The following TSGA13 variants were observed in gnomAD, a reference collection of about 807,000 sequenced individuals.
TSGA13 encodes the protein testis-specific gene 13 protein.
A neutral mutation model predicts 35.1 loss-of-function variants in TSGA13; 37 were observed. That is an observed-to-expected ratio of 1.05 (90% CI 0.81 to 1.39). The LOEUF (loss-of-function observed/expected upper bound fraction) is 1.39, where lower values mean the gene tolerates loss of function less well. TSGA13 is among the 40% of genes most tolerant of loss of function. The pLI, the probability that TSGA13 is intolerant of heterozygous loss-of-function variation, is 0.00. For missense variants in TSGA13, 338 were observed against 328.5 expected (o/e 1.03, Z -0.22); for synonymous variants, 124 against 121.2 (o/e 1.02, Z -0.15).
In TSGA13 at chr7:130,669,007, T is replaced by A; in HGVS notation, c.*7A>T. 6.2e-7 allele frequency: 1 copy of A among 1,612,090 alleles called. No homozygotes were observed. Among genetic ancestry groups the A allele is most frequent in the Non-Finnish European group, 8.5e-7 (1 of 1,178,982 alleles). On this transcript the variant is annotated 3_prime_UTR_variant, in exon 8 of 8. Transcript: ENST00000356588. The stretch of plus-strand genomic sequence containing the variant: ...AGAGCGAGGCGGGAGGACTGAGGGG[T>A]CTGTGTTCACCCGATGACCGTGGCC...
At chr7:130,683,783 AT>A in intron 2 of TSGA13, 111 bp from the exon 3 acceptor site, 2 of 860,802 alleles carry the variant, frequency 2.3e-6, no homozygotes, top group Non-Finnish European at 3.7e-6. Context: ...GACAAGTCCA[AT>A]TTAGGTGATC....
intron 3 of TSGA13, among the ~76,000 whole-genome samples, chr7:130,683,347 C>T (rs1563081685): frequency 6.6e-6 from 1 of 152,356 alleles, no homozygotes; most frequent in Non-Finnish European, 1.5e-5. Context: ...TTGACACGCT[C>T]TTACTCCCTA....
chr7:130,670,612 C>A (rs188958710), intron 7 of TSGA13, among the ~76,000 whole-genome samples: 28 of 152,148 alleles, frequency 1.8e-4, no homozygotes, highest in Admixed American at 1.8e-3. Context: ...TTTTCGATTT[C>A]TTGTTATTGT....
At chr7:130,672,340 T>C (rs1796291981) in intron 6 of TSGA13, among the ~76,000 whole-genome samples, 2 of 152,210 alleles carry the variant, frequency 1.3e-5, no homozygotes, top group African/African-American at 4.8e-5. Flanking sequence ...CCAGAATCTC[T>C]TCTGTCCTCT....
At chr7:130,679,040 A>C (rs1554464539) in intron 5 of TSGA13, 115 bp downstream of exon 5, 1 of 910,302 alleles carries the variant, frequency 1.1e-6, no homozygotes, top group East Asian at 2.4e-5. Flanking sequence ...CAAACAAACA[A>C]AAAAATTAAG....
In TSGA13 at chr7:130,672,672, C is replaced by A. The variant is rs1007505377; in HGVS notation, c.530+62G>T. The A allele has an allele frequency of 1.4e-5, 22 of 1,575,096 alleles. No individual in the cohort carries two copies. In the African/African-American group the frequency reaches 2.9e-4, roughly 20 times the overall value. On this transcript the variant is annotated intron_variant, in intron 6 of 7. Coordinates refer to ENST00000356588, the MANE Select transcript of TSGA13 (RefSeq NM_052933.4). ...GTCATTAAATTGTATGGCAAAGAAC[C>A]AGAAACGTGAATAGGGAAAAGATAG...
rs1162370815 is a variant in TSGA13 at position 130,674,169 on chromosome 7, C to CTTTTTTTTTTTTTTTT, written c.388-1309_388-1294dup. On this transcript the variant is annotated intron_variant, in intron 5 of 7. Transcript: ENST00000356588. The stretch of plus-strand genomic sequence containing the variant: ...CTTTTCTTCTTTTTTTTCTTTTTTT[C>CTTTTTTTTTTTTTTTT]TTTTTTTTTTTTTTTTTTTTGAGAT... 1.6e-4 allele frequency among the ~76,000 whole-genome samples: 16 copies of CTTTTTTTTTTTTTTTT among 98,444 alleles called. 1 individual carries two copies. The highest frequency in any genetic ancestry group is 2.1e-4 in the African/African-American group (6 of 28,330). 64.6% of individuals were successfully genotyped at this position (98,444 alleles called of 152,430 possible). A position where few individuals can be genotyped will look rare whatever the true frequency, so the allele number is the denominator to read the frequency against.
At chr7:130,670,737 A>C (rs141424574) in intron 7 of TSGA13, among the ~76,000 whole-genome samples, 1 of 152,144 alleles carries the variant, frequency 6.6e-6, no homozygotes, top group African/African-American at 2.4e-5. Flanking sequence ...CTCCTTCCTC[A>C]AGCCCCCCAA....
At chr7:130,686,635 T>C (rs2116337551), upstream of TSGA13, 1 of 149,512 alleles carries the variant, frequency 6.7e-6, no homozygotes, top group Non-Finnish European at 1.5e-5. Flanking sequence ...GGCCAAAACT[T>C]AAAGGCATAT....
At chr7:130,679,114 G>T (rs375664240) in intron 5 of TSGA13, 41 bp downstream of exon 5, 1 of 1,490,356 alleles carries the variant, frequency 6.7e-7, no homozygotes, top group South Asian at 1.1e-5. Flanking sequence ...CTCCTAATTC[G>T]TCAGGGTTCA....
intron 5 of TSGA13, 57 bp from the exon 6 acceptor site, chr7:130,672,933 A>G (rs1457265383): frequency 9.9e-6 from 15 of 1,522,060 alleles, no homozygotes; most frequent in Non-Finnish European, 1.3e-5. Context: ...TTGGGATTTT[A>G]AGTTTGGACC....
intron 7 of TSGA13, 78 bp from the exon 8 acceptor site, chr7:130,669,261 G>C (rs1554462476): frequency 2.5e-6 from 4 of 1,586,834 alleles, no homozygotes; most frequent in Non-Finnish European, 2.6e-6. Flanking sequence ...AGATGTAAAG[G>C]AGACGCACTT....
intron 4 of TSGA13, among the ~76,000 whole-genome samples, chr7:130,679,654 C>T (rs908193633): frequency 1.3e-5 from 2 of 152,094 alleles, no homozygotes; most frequent in Non-Finnish European, 2.9e-5. Flanking sequence ...GGATTACAGG[C>T]ACATGCCACC....
intron 5 of TSGA13, among the ~76,000 whole-genome samples, chr7:130,676,174 A>G (rs1796407234): frequency 6.6e-6 from 1 of 152,234 alleles, no homozygotes; most frequent in Non-Finnish European, 1.5e-5. Context: ...CTAGGTTTAC[A>G]AAAGATTATC....
In TSGA13 at chr7:130,668,968, C is replaced by G; in HGVS notation, c.*46G>C. Reference sequence around the variant, plus strand: ...TATTTGGGTGGCGACTTCTGCGGACCCCTCAGTCTCAAGAGAGCGAGGCGG... The same window carrying G: ...TATTTGGGTGGCGACTTCTGCGGACGCCTCAGTCTCAAGAGAGCGAGGCGG... On this transcript the variant is annotated 3_prime_UTR_variant, in exon 8 of 8. Coordinates refer to ENST00000356588, the MANE Select transcript of TSGA13 (RefSeq NM_052933.4). 1 of 1,585,836 alleles carries G rather than the reference C, an allele frequency of 6.3e-7. No homozygotes were observed. Among genetic ancestry groups the G allele is most frequent in the Non-Finnish European group, 8.6e-7 (1 of 1,165,884 alleles).
At position 130,668,994 on chromosome 7, in the gene TSGA13, G is replaced by A. The variant is rs1554462368; in HGVS notation, c.*20C>T. The A allele has an allele frequency of 1.2e-6, 2 of 1,611,422 alleles. No individual in the cohort carries two copies. Among genetic ancestry groups the A allele is most frequent in the Admixed American group, 1.7e-5 (1 of 59,790 alleles). ...CCTCAGTCTCAAGAGAGCGAGGCGG[G>A]AGGACTGAGGGGTCTGTGTTCACCC... is the stretch of plus-strand genomic sequence containing the variant. On this transcript the variant is annotated 3_prime_UTR_variant, in exon 8 of 8. Coordinates refer to ENST00000356588, the MANE Select transcript of TSGA13 (RefSeq NM_052933.4).
intron 3 of TSGA13, among the ~76,000 whole-genome samples, chr7:130,682,998 T>C (rs1189178387): frequency 6.6e-6 from 1 of 152,234 alleles, no homozygotes; most frequent in African/African-American, 2.4e-5. Flanking sequence ...AGGAAAAACT[T>C]ATTTGGGAGA....
intron 5 of TSGA13, 117 bp from the exon 6 acceptor site, chr7:130,672,993 G>T (rs1796317460): frequency 8.5e-7 from 1 of 1,183,282 alleles, no homozygotes; most frequent in African/African-American, 1.6e-5. Context: ...AACAAAACCT[G>T]TCAGAGGGGG....
chr7:130,671,885 A>G lies in TSGA13; in HGVS notation c.531-97T>C, dbSNP rs956193570. The G allele has an allele frequency of 1.1e-4, 90 of 833,454 alleles. No homozygotes were observed. The African/African-American group carries it at 1.6e-3, about 14-fold the overall frequency. The allele number at this position is 833,454 out of a possible 1,614,324, so 51.6% of individuals were successfully genotyped here. On this transcript the variant is annotated intron_variant, in intron 6 of 7. Coordinates refer to ENST00000356588, the MANE Select transcript of TSGA13 (RefSeq NM_052933.4). ...ATTTTATTTTATTTTATTTTATTTT[A>G]TTTTATTTTATGTATTTATTTTGAG... is the stretch of plus-strand genomic sequence containing the variant.
Sources: allele counts gnomAD v4.1 joint callset (sites outside exome capture counted in the v4.1 genomes callset), GRCh38; gene constraint gnomAD v4.1.1; transcripts MANE v1.5; gene names NCBI Gene and HGNC (gene_info 2026-07-23, HGNC 2026-07-21).